LSM11: variants seen among roughly 807,000 people sequenced by gnomAD.
LSM11 encodes U7 snRNA-associated Sm-like protein LSm11.
Under a neutral mutation model 28.1 loss-of-function variants are expected in LSM11, and 14 were observed. That is an observed-to-expected ratio of 0.50 (90% CI 0.33 to 0.78). LSM11 has a LOEUF of 0.78. Ranked by LOEUF, LSM11 falls within the 30% of genes least tolerant of loss-of-function variation. LSM11 has a pLI of 0.02. For missense variants in LSM11, 495 were observed against 510.6 expected, an observed-to-expected ratio of 0.97 and a Z score of 0.30; for synonymous variants, 207 against 214.2, an observed-to-expected ratio of 0.97 and a Z score of 0.30.
intron 1 of LSM11, among the ~76,000 whole-genome samples, chr5:157,749,038 T>G (rs1233056786): frequency 6.6e-6 from 1 of 152,256 alleles, no homozygotes; most frequent in African/African-American, 2.4e-5. Flanking sequence ...GTGGTGCTAG[T>G]GTCGTACTTT....
chr5:157,744,544 A>G (rs1186346546), intron 1 of LSM11, among the ~76,000 whole-genome samples: 4 of 152,128 alleles, frequency 2.6e-5, no homozygotes, highest in African/African-American at 9.7e-5. Context: ...GAGAGGGTCT[A>G]CAGGATTGAT....
chr5:157,755,565 C>T lies in LSM11; in HGVS notation c.*301C>T, dbSNP rs1483710214. ...CTGATCTTCCATTAGACTTAGGGGT[C>T]ATGATATGAGTGGAATTTACATTTT... On this transcript the variant is annotated 3_prime_UTR_variant, in exon 4 of 4. Coordinates refer to ENST00000286307, the MANE Select transcript of LSM11 (RefSeq NM_173491.4). 5 of 497,250 alleles carry T rather than the reference C, an allele frequency of 1.0e-5. No individual in the cohort carries two copies. The highest frequency in any genetic ancestry group is 1.1e-5 in the Non-Finnish European group (3 of 284,966). 30.8% of individuals were successfully genotyped at this position (497,250 alleles called of 1,614,324 possible).
chr5:157,748,613 T>G (rs189543752), intron 1 of LSM11, among the ~76,000 whole-genome samples: 3 of 152,144 alleles, frequency 2.0e-5, no homozygotes, highest in African/African-American at 4.8e-5. Flanking sequence ...GGATCCACCA[T>G]CTTGTTTTGC....
In LSM11 at chr5:157,760,114, A is replaced by G. The variant is rs1034300633; in HGVS notation, c.*4850A>G. On this transcript the variant is annotated 3_prime_UTR_variant, in exon 4 of 4. Transcript: ENST00000286307. Reference sequence around the variant, plus strand: ...TTCTTTAAAAACACTCCTTGGAAAGATGGGGACTGTCCCTTAGGAAAGCCA... The same window carrying G: ...TTCTTTAAAAACACTCCTTGGAAAGGTGGGGACTGTCCCTTAGGAAAGCCA... 3.7e-4 allele frequency: 57 copies of G among 152,210 alleles called. No homozygotes were observed. The highest frequency in any genetic ancestry group is 1.3e-3 in the African/African-American group (54 of 41,456). 9.4% of individuals were successfully genotyped at this position (152,210 alleles called of 1,614,324 possible).
Position 157,755,812 on chromosome 5 carries a change from A to G in LSM11, c.*548A>G, listed in dbSNP as rs548174812. 8.0e-5 allele frequency: 32 copies of G among 401,022 alleles called. No homozygotes were observed. The highest frequency in any genetic ancestry group is 6.0e-4 in the African/African-American group (29 of 48,700). The allele number at this position is 401,022 out of a possible 1,614,324, so 24.8% of individuals were successfully genotyped here. ...TGAATATCTACAAGGAAAGTTACCA[A>G]CTTATGTAGGGGTGAAATTTGGATA... On this transcript the variant is annotated 3_prime_UTR_variant, in exon 4 of 4. Transcript: ENST00000286307.
chr5:157,753,335 A>C (rs981544361), intron 2 of LSM11, among the ~76,000 whole-genome samples: 13 of 152,330 alleles, frequency 8.5e-5, no homozygotes, highest in African/African-American at 3.1e-4. Flanking sequence ...TGAAGAATTG[A>C]AGAGAATGTG....
At position 157,744,021 on chromosome 5, in the gene LSM11, G is replaced by A; in HGVS notation, c.271G>A (p.Gly91Arg). The change falls in exon 1 of 4, where the codon GGG (glycine) becomes AGG (arginine). Residue 91 changes from glycine (G) to arginine (R), a missense_variant. Transcript: ENST00000286307. ...GGGCTCTGGGGTTCCCGCCGCACCC[G>A]GGCCCTCGGGCAGGACTCGTCGCCG... is the stretch of plus-strand genomic sequence containing the variant. ...AAGSGVPAAP[G>R]PSGRTRRRPD... 1 of 1,356,134 alleles carries A rather than the reference G, an allele frequency of 7.4e-7. No homozygotes were observed. Among genetic ancestry groups the A allele is most frequent in the Non-Finnish European group, 9.5e-7 (1 of 1,051,774 alleles). 84.0% of individuals were successfully genotyped at this position (1,356,134 alleles called of 1,614,324 possible).
At chr5:157,752,001 T>G (rs1411179274) in intron 2 of LSM11, among the ~76,000 whole-genome samples, 1 of 152,250 alleles carries the variant, frequency 6.6e-6, no homozygotes, top group African/African-American at 2.4e-5. Flanking sequence ...CCAACCATTC[T>G]TTCATTAATT....
rs1665199167 is a variant in LSM11 at position 157,759,461 on chromosome 5, C to T, written c.*4197C>T. On this transcript the variant is annotated 3_prime_UTR_variant, in exon 4 of 4. Transcript: ENST00000286307. ...TATAAATTGCTTCTTTAAGTTTTCT[C>T]TAAATTTTGCCTCTAGGAAAAAATT... 6.6e-6 allele frequency: 1 copy of T among 152,174 alleles called. No homozygotes were observed. Among genetic ancestry groups the T allele is most frequent in the African/African-American group, 2.4e-5 (1 of 41,432 alleles). 9.4% of individuals were successfully genotyped at this position (152,174 alleles called of 1,614,324 possible).
At chr5:157,754,740 G>T in intron 3 of LSM11, 114 bp from the exon 4 acceptor site, 23 of 665,070 alleles carry the variant, frequency 3.5e-5, no homozygotes, top group South Asian at 7.6e-5. Flanking sequence ...TTAAAAAATT[G>T]CAAAGCAAGG....
rs955509595 is a variant in LSM11, at chr5:157,758,640, A to G, written c.*3376A>G. The G allele has an allele frequency of 3.3e-5, 5 of 152,190 alleles. No individual in the cohort carries two copies. Among genetic ancestry groups the G allele is most frequent in the Middle Eastern group, 3.2e-3 (1 of 316 alleles). 9.4% of individuals were successfully genotyped at this position (152,190 alleles called of 1,614,324 possible). The stretch of plus-strand genomic sequence containing the variant: ...TGCAGCTGAAATACTGAATACTGAA[A>G]TACTAGAAACCAACAAAACTGGTTT... On this transcript the variant is annotated 3_prime_UTR_variant, in exon 4 of 4. Transcript: ENST00000286307.
intron 1 of LSM11, among the ~76,000 whole-genome samples, chr5:157,746,121 C>T (rs925804599): frequency 2.6e-5 from 4 of 151,178 alleles, no homozygotes; most frequent in Non-Finnish European, 5.9e-5. Context: ...TATATGTATG[C>T]CACAGTTTTA....
intron 1 of LSM11, chr5:157,747,485 T>C: frequency 4.4e-6 from 1 of 226,556 alleles, no homozygotes; most frequent in East Asian, 1.1e-4. Context: ...TCAGTTTTCC[T>C]GCAGGGAGCC....
At chr5:157,751,878 C>T (rs1419091035) in intron 2 of LSM11, among the ~76,000 whole-genome samples, 1 of 152,152 alleles carries the variant, frequency 6.6e-6, no homozygotes, top group Non-Finnish European at 1.5e-5. Flanking sequence ...ACAAGATAGT[C>T]CCTCAACAAC....
Position 157,755,407 on chromosome 5 carries a change from T to C in LSM11, c.*143T>C. ...AGAGGACGGAGCAGGCTCAGCCCCC[T>C]GGAAGATGAGCTCAAGGGGAGGACA... On this transcript the variant is annotated 3_prime_UTR_variant, in exon 4 of 4. Transcript: ENST00000286307. The C allele has an allele frequency of 1.1e-6, 1 of 921,110 alleles. No individual in the cohort carries two copies. Among genetic ancestry groups the C allele is most frequent in the Non-Finnish European group, 1.6e-6 (1 of 628,618 alleles). The allele number at this position is 921,110 out of a possible 1,614,324, so 57.1% of individuals were successfully genotyped here.
chr5:157,746,746 C>G (rs1761154167), intron 1 of LSM11, among the ~76,000 whole-genome samples: 1 of 152,094 alleles, frequency 6.6e-6, no homozygotes, highest in East Asian at 1.9e-4. Flanking sequence ...CCTGTCTCTA[C>G]TAAAAATACA....
At position 157,755,578 on chromosome 5, in the gene LSM11, G is replaced by A; in HGVS notation, c.*314G>A. The A allele has an allele frequency of 2.1e-6, 1 of 477,082 alleles. No homozygotes were observed. The highest frequency in any genetic ancestry group is 3.2e-5 in the East Asian group (1 of 31,482). 29.6% of individuals were successfully genotyped at this position (477,082 alleles called of 1,614,324 possible). ...AGACTTAGGGGTCATGATATGAGTG[G>A]AATTTACATTTTAGATACTATAGGG... is the stretch of plus-strand genomic sequence containing the variant. On this transcript the variant is annotated 3_prime_UTR_variant, in exon 4 of 4. Coordinates refer to ENST00000286307, the MANE Select transcript of LSM11 (RefSeq NM_173491.4).
At position 157,754,875 on chromosome 5, in the gene LSM11, C is replaced by G. The variant is rs927939117; in HGVS notation, c.694C>G (p.Gln232Glu). Residue 232 changes from glutamine to glutamate, a missense_variant, in exon 4 of 4, where the codon CAA becomes GAA. Coordinates refer to ENST00000286307, the MANE Select transcript of LSM11 (RefSeq NM_173491.4). ...LTRLFDRLKL[Q>E]DSSKKEADSK... Reference sequence around the variant, plus strand: ...ATAGCTATTTGATCGGCTGAAACTTCAAGATTCCTCCAAGAAGGAAGCAGA... The same window carrying G: ...ATAGCTATTTGATCGGCTGAAACTTGAAGATTCCTCCAAGAAGGAAGCAGA... 2.5e-6 allele frequency: 4 copies of G among 1,613,586 alleles called. No homozygotes were observed. The highest frequency in any genetic ancestry group is 3.4e-6 in the Non-Finnish European group (4 of 1,179,738).
In LSM11 at chr5:157,759,760, C is replaced by G. The variant is rs996041816; in HGVS notation, c.*4496C>G. The G allele has an allele frequency of 6.6e-6, 1 of 152,172 alleles. No individual in the cohort carries two copies. The highest frequency in any genetic ancestry group is 2.4e-5 in the African/African-American group (1 of 41,422). 9.4% of individuals were successfully genotyped at this position (152,172 alleles called of 1,614,324 possible). A position where few individuals can be genotyped will look rare whatever the true frequency, so the allele number is the denominator to read the frequency against. On this transcript the variant is annotated 3_prime_UTR_variant, in exon 4 of 4. Coordinates refer to ENST00000286307, the MANE Select transcript of LSM11 (RefSeq NM_173491.4). ...TCTTAGTGGTTGTAAATGCAAGAAT[C>G]CTGAGCCCTGTGTTGCAAAGGTGGG...
Sources: allele counts gnomAD v4.1 joint callset (sites outside exome capture counted in the v4.1 genomes callset), GRCh38; gene constraint gnomAD v4.1.1; transcripts MANE v1.5; gene names NCBI Gene and HGNC (gene_info 2026-07-23, HGNC 2026-07-21).